COL24A1: variants seen among roughly 807,000 people sequenced by gnomAD.
COL24A1 encodes the protein collagen alpha-1(XXIV) chain.
In COL24A1, 224 loss-of-function variants were observed where a neutral mutation model predicts 253.9. The ratio of observed to expected loss-of-function variants is 0.88; its 90% CI spans 0.79 to 0.99. COL24A1 has a LOEUF of 0.99. COL24A1 is among the 50% of genes least tolerant of loss of function. The probability of loss-of-function intolerance (pLI) is 0.00; values close to 1 mark genes in which losing one functional copy is unlikely to be tolerated. For synonymous variants in COL24A1, 685 were observed against 673.7 expected, an observed-to-expected ratio of 1.02 and a Z score of -0.26; for missense variants, 2,131 against 2,068.5, an observed-to-expected ratio of 1.03 and a Z score of -0.59.
At chr1:85,858,743 C>T (rs1037135229) in intron 37 of COL24A1, among the ~76,000 whole-genome samples, 8 of 147,266 alleles carry the variant, frequency 5.4e-5, no homozygotes, top group Admixed American at 4.2e-4. Context: ...CTTTCCTTTC[C>T]TTCTTTTCTT....
At chr1:85,818,622 CTGTT>C (rs375813624) in intron 45 of COL24A1, among the ~76,000 whole-genome samples, 96 of 152,296 alleles carry the variant, frequency 6.3e-4, no homozygotes, top group African/African-American at 2.2e-3. Flanking sequence ...TCCCACGGAA[CTGTT>C]TGTTTTTCCA....
chr1:85,927,105 G>A lies in COL24A1; in HGVS notation c.2563-15672C>T, dbSNP rs986443343. Among the ~76,000 whole-genome samples the A allele has an allele frequency of 6.5e-4, 99 of 152,208 alleles. 1 individual carries two copies. The highest frequency in any genetic ancestry group is 2.2e-3 in the Admixed American group (34 of 15,286). On this transcript the variant is annotated intron_variant, in intron 24 of 59. Transcript: ENST00000370571. ...AAGACGGCCGAATAGGAACAGCTCC[G>A]GTCTACAGCTCCCAGCGTGAGCGAC...
intron 24 of COL24A1, among the ~76,000 whole-genome samples, chr1:85,952,574 C>A (rs1690037892): frequency 6.6e-6 from 1 of 152,182 alleles, no homozygotes. Flanking sequence ...ATTCATTTAA[C>A]AAAATCTTGT....
chr1:85,900,895 AC>A (rs202127133), intron 28 of COL24A1, among the ~76,000 whole-genome samples: 2,182 of 152,308 alleles, frequency 0.014, 43 homozygotes, highest in African/African-American at 0.05. Context: ...AGCACCATAT[AC>A]AAAAATCAAC....
chr1:85,784,517 C>G, intron 48 of COL24A1, 151 bp from the exon 49 acceptor site: 1 of 588,200 alleles, frequency 1.7e-6, no homozygotes, highest in Non-Finnish European at 3.0e-6. Context: ...ATCTTGTTCA[C>G]CAATATTTTC....
chr1:86,154,728 G>A (rs1653262066), intron 1 of COL24A1: 1 of 152,812 alleles, frequency 6.5e-6, no homozygotes, highest in Non-Finnish European at 1.5e-5. Context: ...ACCAAGGGGA[G>A]TGTTAGTCAC....
intron 24 of COL24A1, among the ~76,000 whole-genome samples, chr1:85,915,967 G>A (rs12136958): frequency 0.12 from 17,516 of 152,068 alleles, 1,363 homozygotes; most frequent in Non-Finnish European, 0.17. Flanking sequence ...GAATGCAGTA[G>A]GCTCGTTTAG....
intron 20 of COL24A1, among the ~76,000 whole-genome samples, chr1:85,974,606 A>T (rs1036141060): frequency 1.3e-5 from 2 of 152,154 alleles, no homozygotes; most frequent in African/African-American, 2.4e-5. Context: ...ATTTACCTCT[A>T]AATGCAGAGA....
rs1051734274 is a variant in COL24A1, at chr1:85,853,185, A to G, written c.3301-3779T>C. 3.3e-5 allele frequency among the ~76,000 whole-genome samples: 5 copies of G among 152,164 alleles called. No homozygotes were observed. In the East Asian group the frequency reaches 9.7e-4, roughly 29 times the overall value. ...CCTTTCTTTGTGTCCATGTGTACTC[A>G]AGGTTTAGCTCCAACTTAAAGAGAA... On this transcript the variant is annotated intron_variant, in intron 37 of 59. Coordinates refer to ENST00000370571, the MANE Select transcript of COL24A1 (RefSeq NM_152890.7).
chr1:85,793,293 T>C (rs185789699), intron 47 of COL24A1, among the ~76,000 whole-genome samples: 338 of 152,280 alleles, frequency 2.2e-3, no homozygotes, highest in Non-Finnish European at 4.0e-3. Flanking sequence ...TAGGTTCATG[T>C]TCCTCAGCTT....
Position 85,910,007 on chromosome 1 carries a change from T to G in COL24A1, c.2617-4A>C. The G allele has an allele frequency of 6.2e-7, 1 of 1,608,374 alleles. No homozygotes were observed. Among genetic ancestry groups the G allele is most frequent in the Non-Finnish European group, 8.5e-7 (1 of 1,175,414 alleles). ...GGCCTGGACTTCCACGTTCTCCCTTTTAAGAGAACAAAGAAAAAAGAGTAA... is the reference window on the plus strand; with the variant it reads ...GGCCTGGACTTCCACGTTCTCCCTTGTAAGAGAACAAAGAAAAAAGAGTAA... On this transcript the variant is annotated splice_region_variant and splice_polypyrimidine_tract_variant and intron_variant, in intron 25 of 59. Transcript: ENST00000370571.
intron 32 of COL24A1, 31 bp downstream of exon 32, chr1:85,889,529 C>A (rs76666601): frequency 0.041 from 64,179 of 1,575,574 alleles, 3,582 homozygotes; most frequent in Admixed American, 0.24. Flanking sequence ...ATGAGAAAGA[C>A]ACAATTAGAA....
chr1:85,833,396 C>A (rs1220376182), intron 43 of COL24A1, among the ~76,000 whole-genome samples: 4 of 152,132 alleles, frequency 2.6e-5, no homozygotes, highest in Non-Finnish European at 5.9e-5. Context: ...CAGAGAAATG[C>A]AAATCAAAAC....
chr1:85,790,498 C>A (rs1427480785), intron 47 of COL24A1, among the ~76,000 whole-genome samples: 1 of 150,480 alleles, frequency 6.6e-6, no homozygotes, highest in East Asian at 2.0e-4. Flanking sequence ...TTCAAAAGAC[C>A]AACTCCTGGA....
At chr1:86,058,604 T>C (rs544165681) in intron 9 of COL24A1, among the ~76,000 whole-genome samples, 2 of 151,756 alleles carry the variant, frequency 1.3e-5, no homozygotes, top group Admixed American at 1.3e-4. Context: ...CTATTATTAA[T>C]CTACATGAAG....
intron 28 of COL24A1, among the ~76,000 whole-genome samples, chr1:85,903,530 A>C (rs1031614103): frequency 6.6e-6 from 1 of 152,188 alleles, no homozygotes; most frequent in Non-Finnish European, 1.5e-5. Flanking sequence ...ATAACCGTTT[A>C]AAAATATCTC....
chr1:85,956,289 C>A (rs1164517402), intron 24 of COL24A1, among the ~76,000 whole-genome samples: 1 of 152,122 alleles, frequency 6.6e-6, no homozygotes, highest in Admixed American at 6.6e-5. Flanking sequence ...CTGACTCCAC[C>A]TCTTTTTGCT....
chr1:86,097,842 G>A (rs773774758), intron 5 of COL24A1, among the ~76,000 whole-genome samples: 1 of 151,868 alleles, frequency 6.6e-6, no homozygotes, highest in African/African-American at 2.4e-5. Context: ...TTCTAGCTAT[G>A]GCATGTCCCC....
At chr1:85,775,264 A>G (rs1252887108) in intron 53 of COL24A1, among the ~76,000 whole-genome samples, 2 of 152,062 alleles carry the variant, frequency 1.3e-5, no homozygotes, top group Non-Finnish European at 2.9e-5. Context: ...GTTCTTTTAC[A>G]TTTGCTGAGG....
Sources: allele counts gnomAD v4.1 joint callset (sites outside exome capture counted in the v4.1 genomes callset), GRCh38; gene constraint gnomAD v4.1.1; transcripts MANE v1.5; gene names NCBI Gene and HGNC (gene_info 2026-07-23, HGNC 2026-07-21).